MTHFD1L: variants seen among roughly 807,000 people sequenced by gnomAD.
MTHFD1L encodes methylenetetrahydrofolate dehydrogenase (NADP+ dependent) 1 like, also known as monofunctional C1-tetrahydrofolate synthase, mitochondrial.
MTHFD1L carries 81 observed loss-of-function variants against 119.5 expected under a neutral mutation model. The ratio of observed to expected loss-of-function variants is 0.68; its 90% CI spans 0.57 to 0.82. The LOEUF (loss-of-function observed/expected upper bound fraction) is 0.82, where lower values mean the gene tolerates loss of function less well. Ranked by LOEUF, MTHFD1L falls within the 40% of genes least tolerant of loss-of-function variation. The pLI is 0.00. For missense variants in MTHFD1L, 1,125 were observed against 1,253.4 expected (o/e 0.90, Z 1.55); for synonymous variants, 430 against 475.2 (o/e 0.90, Z 1.24).
chr6:150,947,533 A>G (rs1191230467), intron 15 of MTHFD1L, among the ~76,000 whole-genome samples: 1 of 152,082 alleles, frequency 6.6e-6, no homozygotes, highest in African/African-American at 2.4e-5. Context: ...GGAGTTCATG[A>G]CCAGCCCAGG....
intron 19 of MTHFD1L, among the ~76,000 whole-genome samples, chr6:150,969,610 A>G (rs1797743143): frequency 1.3e-5 from 2 of 152,344 alleles, no homozygotes; most frequent in South Asian, 4.1e-4. Flanking sequence ...CAAGGACACA[A>G]GAACTCCTCA....
At chr6:150,984,915 C>A (rs532461526) in intron 20 of MTHFD1L, 1 of 152,076 alleles carries the variant, frequency 6.6e-6, no homozygotes, top group East Asian at 1.9e-4. Context: ...TGAGTAGCCA[C>A]GCATATTAGG....
At chr6:150,867,243 G>A (rs532939539) in intron 1 of MTHFD1L, among the ~76,000 whole-genome samples, 48 of 152,308 alleles carry the variant, frequency 3.2e-4, no homozygotes, top group Non-Finnish European at 6.6e-4. Context: ...TCAGGCTGGA[G>A]TTCAGTGGTG....
At chr6:151,023,012 G>GT (rs539585058) in intron 24 of MTHFD1L, among the ~76,000 whole-genome samples, 219 of 145,318 alleles carry the variant, frequency 1.5e-3, no homozygotes, top group African/African-American at 5.1e-3. Flanking sequence ...CTTTTTTTAT[G>GT]TTTTTTTGTT....
intron 2 of MTHFD1L, among the ~76,000 whole-genome samples, chr6:150,876,960 A>G (rs945218862): frequency 1.3e-5 from 2 of 152,188 alleles, no homozygotes; most frequent in Non-Finnish European, 2.9e-5. Context: ...TAGAAAGAAA[A>G]TTAGATTAGG....
chr6:150,988,753 T>C (rs1778660029), intron 20 of MTHFD1L, among the ~76,000 whole-genome samples: 1 of 152,212 alleles, frequency 6.6e-6, no homozygotes, highest in African/African-American at 2.4e-5. Flanking sequence ...ATTACAGGCA[T>C]GTGCCACCAC....
At chr6:151,091,492 G>A (rs1794447445) in intron 26 of MTHFD1L, among the ~76,000 whole-genome samples, 1 of 152,110 alleles carries the variant, frequency 6.6e-6, no homozygotes, top group Admixed American at 6.5e-5. Context: ...AGAGTGTGCG[G>A]TTTGAAGATC....
chr6:150,944,513 C>T lies in MTHFD1L; in HGVS notation c.1468C>T (p.His490Tyr). The T allele has an allele frequency of 6.2e-7, 1 of 1,613,806 alleles. No homozygotes were observed. The highest frequency in any genetic ancestry group is 8.5e-7 in the Non-Finnish European group (1 of 1,179,850). Residue 490 changes from histidine to tyrosine, a missense_variant, in exon 14 of 28, where the codon CAC (histidine) becomes TAC (tyrosine). His to Tyr is a moderately conservative substitution (Grantham distance 83). This residue lies in a region of MTHFD1L where 1,058 missense variants were observed against 1,151.2 expected (regional missense o/e 0.92). Transcript: ENST00000367321. ...EFNLHLTGDIHAITAANNLLA... is the reference protein window; with the variant it reads ...EFNLHLTGDIYAITAANNLLA... The stretch of plus-strand genomic sequence containing the variant: ...CAACCTTCACTTGACTGGAGACATC[C>T]ACGCCATCACCGCTGCCAATAACTT...
rs768930744 is a variant in MTHFD1L at position 150,986,899 on chromosome 6, A to G, written c.2125+14841A>G. 7.7e-4 allele frequency among the ~76,000 whole-genome samples: 117 copies of G among 152,002 alleles called. 1 individual carries two copies. Among genetic ancestry groups the G allele is most frequent in the Non-Finnish European group, 1.5e-3 (103 of 67,982 alleles). On this transcript the variant is annotated intron_variant, in intron 20 of 27. Coordinates refer to ENST00000367321, the MANE Select transcript of MTHFD1L (RefSeq NM_015440.5). ...GTCATTTTAGTAGAGACTGAGTTTC[A>G]CCATGTTGGCCAGGCTGGTCTCGAA...
At chr6:151,050,370 C>G (rs1312628306) in intron 26 of MTHFD1L, among the ~76,000 whole-genome samples, 1 of 152,184 alleles carries the variant, frequency 6.6e-6, no homozygotes, top group Non-Finnish European at 1.5e-5. Flanking sequence ...CCATGTTGGC[C>G]AGGCTGGTCT....
intron 16 of MTHFD1L, 40 bp downstream of exon 16, chr6:150,949,173 G>C: frequency 6.5e-7 from 1 of 1,544,776 alleles, no homozygotes; most frequent in Non-Finnish European, 8.9e-7. Flanking sequence ...ATGGCCAGGT[G>C]GGGAGGCGTG....
intron 26 of MTHFD1L, among the ~76,000 whole-genome samples, chr6:151,086,094 T>C (rs1381960552): frequency 6.6e-6 from 1 of 152,068 alleles, no homozygotes; most frequent in Non-Finnish European, 1.5e-5. Flanking sequence ...GAGAGAAGTA[T>C]ACTCTAAGAG....
At chr6:150,907,713 A>G (rs375246859) in intron 8 of MTHFD1L, among the ~76,000 whole-genome samples, 2 of 152,182 alleles carry the variant, frequency 1.3e-5, no homozygotes, top group African/African-American at 4.8e-5. Context: ...CTTTCCCACC[A>G]TCATAAAGTG....
intron 8 of MTHFD1L, among the ~76,000 whole-genome samples, chr6:150,909,832 G>C (rs1174144161): frequency 1.3e-5 from 2 of 152,112 alleles, no homozygotes; most frequent in Non-Finnish European, 2.9e-5. Context: ...ATGTGCTGGG[G>C]GTCCCGAGGG....
intron 7 of MTHFD1L, among the ~76,000 whole-genome samples, chr6:150,895,525 CA>C (rs1439951058): frequency 1.3e-5 from 2 of 151,926 alleles, no homozygotes; most frequent in Admixed American, 1.3e-4. Flanking sequence ...TCCTCCTGAG[CA>C]CAGAGACCCT....
At position 150,977,766 on chromosome 6, in the gene MTHFD1L, A is replaced by C. The variant is rs536563230; in HGVS notation, c.2125+5708A>C. On this transcript the variant is annotated intron_variant, in intron 20 of 27. Coordinates refer to ENST00000367321, the MANE Select transcript of MTHFD1L (RefSeq NM_015440.5). ...TCTTTGCAGAGGAGTGCAGAATGCA[A>C]TTGTGTATCCTTATAGGCAGGTGTC... Among the ~76,000 whole-genome samples the C allele has an allele frequency of 2.0e-5, 3 of 152,268 alleles. No homozygotes were observed. The South Asian group carries it at 6.2e-4, about 32-fold the overall frequency.
intron 8 of MTHFD1L, among the ~76,000 whole-genome samples, chr6:150,915,950 G>A (rs1462327147): frequency 2.6e-5 from 4 of 152,270 alleles, no homozygotes; most frequent in African/African-American, 7.2e-5. Flanking sequence ...ATTGAGAGAG[G>A]CCCGTTTGTG....
chr6:150,877,502 A>G (rs1159898163), intron 2 of MTHFD1L, 132 bp from the exon 3 acceptor site: 14 of 981,556 alleles, frequency 1.4e-5, no homozygotes, highest in Non-Finnish European at 2.0e-5. Flanking sequence ...ATAAGCAGCA[A>G]GATTGTTTTT....
At chr6:150,955,303 C>G (rs371875082) in intron 16 of MTHFD1L, among the ~76,000 whole-genome samples, 57 of 152,262 alleles carry the variant, frequency 3.7e-4, no homozygotes, top group African/African-American at 1.3e-3. Context: ...CATGTATCAA[C>G]ATGACCTTCT....
Sources: allele counts gnomAD v4.1 joint callset (sites outside exome capture counted in the v4.1 genomes callset), GRCh38; gene constraint gnomAD v4.1.1; regional missense constraint gnomAD v4.1.1; transcripts MANE v1.5; gene names NCBI Gene and HGNC (gene_info 2026-07-23, HGNC 2026-07-21).